CCBE1: variants seen among roughly 807,000 people sequenced by gnomAD.
CCBE1 encodes the protein collagen and calcium-binding EGF domain-containing protein 1.
CCBE1 carries 37 observed loss-of-function variants against 50.0 expected under a neutral mutation model. The observed-to-expected ratio is 0.74, with a 90% confidence interval of 0.57 to 0.97. The LOEUF (loss-of-function observed/expected upper bound fraction) is 0.97. Among genes scored for constraint, CCBE1 ranks in the 50% least tolerant of loss-of-function variants. The pLI, the probability that CCBE1 is intolerant of heterozygous loss-of-function variation, is 0.00. For missense variants in CCBE1, 538 were observed against 523.8 expected (o/e 1.03, Z -0.26); for synonymous variants, 234 against 203.7 (o/e 1.15, Z -1.27).
chr18:59,556,075 T>C (rs1473857400), intron 2 of CCBE1, among the ~76,000 whole-genome samples: 3 of 152,204 alleles, frequency 2.0e-5, no homozygotes, highest in South Asian at 4.1e-4. Context: ...CAAGCTCCCA[T>C]GTCAGCCTTA....
intron 5 of CCBE1, chr18:59,464,808 C>G (rs535105883): frequency 6.6e-6 from 1 of 152,430 alleles, no homozygotes; most frequent in Admixed American, 6.5e-5. Flanking sequence ...GAAGCTTGGG[C>G]TACACCCAAG....
At chr18:59,555,494 A>T (rs566326719) in intron 2 of CCBE1, among the ~76,000 whole-genome samples, 1 of 152,310 alleles carries the variant, frequency 6.6e-6, no homozygotes, top group Non-Finnish European at 1.5e-5. Flanking sequence ...TTAGATTTCT[A>T]TTTCAGGAAA....
At chr18:59,602,133 ATT>A (rs1229527141) in intron 2 of CCBE1, among the ~76,000 whole-genome samples, 1 of 148,556 alleles carries the variant, frequency 6.7e-6, no homozygotes. Context: ...TTTTTAATAT[ATT>A]TTTACTAACA....
chr18:59,530,967 C>T (rs1395789099), intron 2 of CCBE1, among the ~76,000 whole-genome samples: 1 of 152,126 alleles, frequency 6.6e-6, no homozygotes, highest in African/African-American at 2.4e-5. Context: ...TGTTTTATGA[C>T]AATGAGCAAA....
At chr18:59,515,728 A>G (rs181897695) in intron 2 of CCBE1, among the ~76,000 whole-genome samples, 12 of 152,330 alleles carry the variant, frequency 7.9e-5, no homozygotes, top group African/African-American at 2.9e-4. Flanking sequence ...GGGAGGAGGC[A>G]GCAGAGGAGA....
rs1428425544 is a variant in CCBE1, at chr18:59,697,223, C to T, written c.120G>A (p.Glu40=). 2.3e-5 allele frequency: 35 copies of T among 1,548,934 alleles called. No homozygotes were observed. Among genetic ancestry groups the T allele is most frequent in the Non-Finnish European group, 2.9e-5 (33 of 1,146,712 alleles). The change falls in exon 1 of 11, where the codon GAG becomes GAA. Residue 40 remains glutamate (E), a synonymous_variant. Coordinates refer to ENST00000439986, the MANE Select transcript of CCBE1 (RefSeq NM_133459.4). ...CTTGCAGCGCTTACCTGTCGCCGTC[C>T]TCCGGCTCCTCTCTGTAGGTCCACG... ...GHTWTYREEP[E]DGDREICSES...
chr18:59,436,660 A>T (rs1239730864), intron 10 of CCBE1, among the ~76,000 whole-genome samples: 1 of 152,244 alleles, frequency 6.6e-6, no homozygotes. Flanking sequence ...GGCTTTGAGC[A>T]TAATACGTAT....
At chr18:59,600,702 A>G (rs2053416788) in intron 2 of CCBE1, among the ~76,000 whole-genome samples, 1 of 152,128 alleles carries the variant, frequency 6.6e-6, no homozygotes, top group Non-Finnish European at 1.5e-5. Flanking sequence ...CTTTCCAACC[A>G]TCCCCATCTC....
intron 2 of CCBE1, among the ~76,000 whole-genome samples, chr18:59,498,873 TC>T (rs1913479843): frequency 6.6e-6 from 1 of 152,178 alleles, no homozygotes; most frequent in East Asian, 1.9e-4. Flanking sequence ...CTGACCCACC[TC>T]CCTCAGATCT....
chr18:59,638,082 T>C (rs1292119468), intron 2 of CCBE1, among the ~76,000 whole-genome samples: 1 of 152,162 alleles, frequency 6.6e-6, no homozygotes, highest in Non-Finnish European at 1.5e-5. Flanking sequence ...ATCGGAAAAC[T>C]GTTTCTCACC....
At chr18:59,667,121 T>C (rs1191838521) in intron 2 of CCBE1, among the ~76,000 whole-genome samples, 1 of 147,226 alleles carries the variant, frequency 6.8e-6, no homozygotes, top group Admixed American at 6.7e-5. Context: ...AAAAAAAAAA[T>C]AGCCAGGCCT....
At position 59,602,107 on chromosome 18, in the gene CCBE1, T is replaced by G. The variant is rs949696050; in HGVS notation, c.212+94522A>C. Among the ~76,000 whole-genome samples the G allele has an allele frequency of 2.0e-5, 3 of 148,872 alleles. No homozygotes were observed. In the South Asian group the frequency reaches 6.4e-4, roughly 32 times the overall value. On this transcript the variant is annotated intron_variant, in intron 2 of 10. Coordinates refer to ENST00000439986, the MANE Select transcript of CCBE1 (RefSeq NM_133459.4). ...AAGAGACCATTTGTTATTACAAATG[T>G]GAATTCCTTTTTTTTTTTTTAATAT...
intron 6 of CCBE1, among the ~76,000 whole-genome samples, chr18:59,453,494 G>T (rs930540300): frequency 6.6e-6 from 1 of 152,100 alleles, no homozygotes; most frequent in Non-Finnish European, 1.5e-5. Context: ...CTATCCATCA[G>T]ATATATACAT....
chr18:59,683,704 A>G (rs973382705), intron 2 of CCBE1, among the ~76,000 whole-genome samples: 3 of 146,362 alleles, frequency 2.0e-5, no homozygotes, highest in African/African-American at 7.9e-5. Flanking sequence ...TCTCAAAAAA[A>G]GAGAGGAAAG....
chr18:59,556,807 G>C (rs2052663632), intron 2 of CCBE1, among the ~76,000 whole-genome samples: 1 of 152,210 alleles, frequency 6.6e-6, no homozygotes, highest in African/African-American at 2.4e-5. Context: ...TCAATTTTAT[G>C]AATAGTTTAA....
intron 2 of CCBE1, among the ~76,000 whole-genome samples, chr18:59,677,523 A>G (rs1402872434): frequency 6.6e-6 from 1 of 152,184 alleles, no homozygotes; most frequent in African/African-American, 2.4e-5. Context: ...CTTTCTCAGG[A>G]AAGAACTAGT....
chr18:59,668,418 A>AAATAATAAT (rs58896218), intron 2 of CCBE1, among the ~76,000 whole-genome samples: 3,227 of 150,280 alleles, frequency 0.021, 71 homozygotes, highest in Admixed American at 0.045. Context: ...CTCCATCTCA[A>AAATAATAAT]AATAATAATA....
At chr18:59,668,519 TCATAAG>T (rs1286863814) in intron 2 of CCBE1, among the ~76,000 whole-genome samples, 5 of 152,084 alleles carry the variant, frequency 3.3e-5, no homozygotes, top group African/African-American at 1.2e-4. Context: ...ACATAATATA[TCATAAG>T]CATATTTTCA....
At chr18:59,597,506 G>C (rs1390327712) in intron 2 of CCBE1, among the ~76,000 whole-genome samples, 2 of 152,098 alleles carry the variant, frequency 1.3e-5, no homozygotes, top group African/African-American at 4.8e-5. Flanking sequence ...GGTCCTCTCT[G>C]TATGACCCAA....
Sources: allele counts gnomAD v4.1 joint callset (sites outside exome capture counted in the v4.1 genomes callset), GRCh38; gene constraint gnomAD v4.1.1; transcripts MANE v1.5; gene names NCBI Gene and HGNC (gene_info 2026-07-23, HGNC 2026-07-21).